Variants in MED13L observed in about 807,000 individuals in gnomAD.
The protein encoded by MED13L is mediator complex subunit 13L.
MED13L carries 7 observed loss-of-function variants against 220.9 expected under a neutral mutation model. The observed-to-expected ratio is 0.03, with a 90% CI of 0.02 to 0.06. The LOEUF (loss-of-function observed/expected upper bound fraction) is 0.06. MED13L is among the 10% of genes least tolerant of loss of function. MED13L has a pLI of 1.00. For missense variants in MED13L, 1,965 were observed against 2,760.5 expected (o/e 0.71, Z 6.46); for synonymous variants, 1,011 against 1,015.2 (o/e 1.00, Z 0.08).
chr12:116,158,825 C>T (rs958903722), intron 2 of MED13L, among the ~76,000 whole-genome samples: 1 of 152,108 alleles, frequency 6.6e-6, no homozygotes, highest in African/African-American at 2.4e-5. Context: ...AAGATAGGTA[C>T]AATTAATATC....
At chr12:116,077,557 T>C (rs1329678967) in intron 4 of MED13L, among the ~76,000 whole-genome samples, 2 of 152,246 alleles carry the variant, frequency 1.3e-5, no homozygotes, top group Admixed American at 1.3e-4. Flanking sequence ...GGCAGAGTTA[T>C]GTATACCACT....
Position 116,008,818 on chromosome 12 carries a change from G to C in MED13L, c.1595C>G (p.Pro532Arg). Reference protein sequence around the residue: ...SRKYDKQMAVPSRNTSKQMNL... With the variant: ...SRKYDKQMAVRSRNTSKQMNL... ...CATTTGCTTGCTTGTATTTCTGGAA[G>C]GCACGGCCATTTGCTTATCATATTT... The change falls in exon 10 of 31, where the codon CCT (proline) becomes CGT (arginine). Residue 532 changes from proline to arginine, a missense_variant. Pro to Arg is a moderately radical substitution (Grantham distance 103). This residue lies in a region of MED13L where 818 missense variants were observed against 1,041.2 expected (regional missense o/e 0.79). Coordinates refer to ENST00000281928, the MANE Select transcript of MED13L (RefSeq NM_015335.5). The C allele has an allele frequency of 6.2e-7, 1 of 1,613,976 alleles. No individual in the cohort carries two copies.
intron 1 of MED13L, among the ~76,000 whole-genome samples, chr12:116,245,404 T>C (rs1345796885): frequency 6.6e-6 from 1 of 152,068 alleles, no homozygotes; most frequent in Admixed American, 6.6e-5. Flanking sequence ...TGCTCAGAAA[T>C]TCCAAGCAGA....
rs995825232 is a variant in MED13L at position 116,061,309 on chromosome 12, G to A, written c.479+35360C>T. On this transcript the variant is annotated intron_variant, in intron 4 of 30. Transcript: ENST00000281928. ...ATGCATTTTTATTTTTAAATATAGA[G>A]TAGTTACAAATAATATGTATCTTTT... Among the ~76,000 whole-genome samples, 4 of 151,848 alleles carry A rather than the reference G, an allele frequency of 2.6e-5. No homozygotes were observed. The South Asian group carries it at 6.2e-4, about 24-fold the overall frequency.
At position 115,991,151 on chromosome 12, in the gene MED13L, T is replaced by C; in HGVS notation, c.3803A>G (p.Asn1268Ser). Residue 1268 changes from asparagine to serine, a missense_variant, in exon 17 of 31, where the codon AAT (asparagine) becomes AGT (serine). Physicochemically the swap from Asn to Ser is conservative, Grantham distance 46 (BLOSUM62 1). Around this residue, in one of 10 missense-constraint regions of MED13L, gnomAD observed 165 missense variants for 190.8 expected, o/e 0.86. Coordinates refer to ENST00000281928, the MANE Select transcript of MED13L (RefSeq NM_015335.5). The surrounding 1 kb of genome is among the most constrained non-coding windows in gnomAD (Gnocchi z 7.7). Reference sequence around the variant, plus strand: ...AAAGCATTCCGTCCAGTAATCATTATTATCTGCTTGCACCCGGTCATAACT... The same window carrying C: ...AAAGCATTCCGTCCAGTAATCATTACTATCTGCTTGCACCCGGTCATAACT... ...SWSYDRVQADNNDYWTECFNA... is the reference protein window; with the variant it reads ...SWSYDRVQADSNDYWTECFNA... 14 of 1,614,198 alleles carry C rather than the reference T, an allele frequency of 8.7e-6. No individual in the cohort carries two copies. The highest frequency in any genetic ancestry group is 1.2e-5 in the Non-Finnish European group (14 of 1,180,036).
intron 2 of MED13L, among the ~76,000 whole-genome samples, chr12:116,136,266 T>C (rs949569530): frequency 6.6e-5 from 10 of 152,230 alleles, no homozygotes; most frequent in East Asian, 1.9e-4. Context: ...CTAAGTGCTA[T>C]GGTCCCTTCA....
At chr12:116,234,519 C>T (rs1296813129) in intron 2 of MED13L, among the ~76,000 whole-genome samples, 1 of 151,886 alleles carries the variant, frequency 6.6e-6, no homozygotes, top group Non-Finnish European at 1.5e-5. Context: ...CGTGAGCCAC[C>T]GTGACCAGCC....
At chr12:116,197,985 C>G (rs931836675) in intron 2 of MED13L, among the ~76,000 whole-genome samples, 1 of 152,066 alleles carries the variant, frequency 6.6e-6, no homozygotes, top group Non-Finnish European at 1.5e-5. Flanking sequence ...GAAATTTTTA[C>G]AGAGAACACT....
At chr12:116,184,709 A>G (rs1469826114) in intron 2 of MED13L, among the ~76,000 whole-genome samples, 2 of 152,198 alleles carry the variant, frequency 1.3e-5, no homozygotes, top group Non-Finnish European at 2.9e-5. Flanking sequence ...TAAATTTTAA[A>G]AAATCAATAA....
At chr12:116,218,520 C>T (rs2138381071) in intron 2 of MED13L, among the ~76,000 whole-genome samples, 1 of 152,230 alleles carries the variant, frequency 6.6e-6, no homozygotes, top group Non-Finnish European at 1.5e-5. Context: ...TACTTTCTGG[C>T]ATTCTCCAGA....
intron 1 of MED13L, among the ~76,000 whole-genome samples, chr12:116,253,272 CAAAAAAAAAAA>C (rs60443236): frequency 5.0e-5 from 4 of 79,752 alleles, no homozygotes; most frequent in Non-Finnish European, 9.3e-5. Flanking sequence ...AACTCCATCT[CAAAAAAAAAAA>C]AAAAAAAAAG....
At chr12:116,001,858 A>G (rs1211305656) in intron 14 of MED13L, among the ~76,000 whole-genome samples, 1 of 152,228 alleles carries the variant, frequency 6.6e-6, no homozygotes, top group Admixed American at 6.5e-5. Flanking sequence ...AGCACACAAT[A>G]TACTTCACTT....
At chr12:116,107,550 T>C (rs1460582080) in intron 3 of MED13L, among the ~76,000 whole-genome samples, 1 of 152,230 alleles carries the variant, frequency 6.6e-6, no homozygotes, top group Non-Finnish European at 1.5e-5. Flanking sequence ...GACATTATTC[T>C]GCATACAATA....
chr12:115,992,013 T>C (rs1344135310), intron 16 of MED13L, 56 bp from the exon 17 acceptor site: 3 of 1,438,650 alleles, frequency 2.1e-6, no homozygotes, highest in Non-Finnish European at 2.9e-6. Context: ...GATGCTGAAC[T>C]AGACACATGA....
At chr12:115,972,386 T>C (rs555791703) in intron 25 of MED13L, 150 bp from the exon 26 acceptor site, 30 of 861,052 alleles carry the variant, frequency 3.5e-5, no homozygotes, top group African/African-American at 1.8e-4. Flanking sequence ...CTCCTTGCTA[T>C]AGAGAATGTT....
At chr12:116,073,701 G>A (rs1230259893) in intron 4 of MED13L, among the ~76,000 whole-genome samples, 1 of 152,160 alleles carries the variant, frequency 6.6e-6, no homozygotes, top group African/African-American at 2.4e-5. Flanking sequence ...GACCTGAGCT[G>A]ATTTTATTAG....
At chr12:116,245,390 C>T (rs907369057) in intron 1 of MED13L, among the ~76,000 whole-genome samples, 1 of 152,180 alleles carries the variant, frequency 6.6e-6, no homozygotes, top group Non-Finnish European at 1.5e-5. Flanking sequence ...AAATGTCGGT[C>T]ACATGCTCAG....
chr12:116,178,497 C>A (rs1880250965), intron 2 of MED13L, among the ~76,000 whole-genome samples: 1 of 152,164 alleles, frequency 6.6e-6, no homozygotes, highest in Admixed American at 6.5e-5. Flanking sequence ...AAAAGCTATG[C>A]ATAATCATTT....
chr12:116,146,682 G>GAGA (rs770706839), intron 2 of MED13L, among the ~76,000 whole-genome samples: 25 of 151,760 alleles, frequency 1.6e-4, no homozygotes, highest in Non-Finnish European at 3.2e-4. Flanking sequence ...CCTGGCCAAC[G>GAGA]TGAGGAAACC....
Sources: allele counts gnomAD v4.1 joint callset (sites outside exome capture counted in the v4.1 genomes callset), GRCh38; gene constraint gnomAD v4.1.1; regional missense constraint gnomAD v4.1.1; non-coding constraint Gnocchi (gnomAD v3.1); transcripts MANE v1.5; gene names NCBI Gene and HGNC (gene_info 2026-07-23, HGNC 2026-07-21).